SYT14: variants seen among roughly 807,000 people sequenced by gnomAD.
The protein encoded by SYT14 is synaptotagmin-14.
In SYT14, 32 loss-of-function variants were observed where a neutral mutation model predicts 74.2. The ratio of observed to expected loss-of-function variants is 0.43; its 90% CI spans 0.33 to 0.58. The LOEUF is 0.58. SYT14 is among the 20% of genes least tolerant of loss of function. The pLI, the probability that SYT14 is intolerant of heterozygous loss-of-function variation, is 0.05. For missense variants in SYT14, 791 were observed against 981.8 expected, an observed-to-expected ratio of 0.81 and a Z score of 2.60; for synonymous variants, 298 against 337.7, an observed-to-expected ratio of 0.88 and a Z score of 1.29.
chr1:210,086,992 C>T (rs995157511), intron 5 of SYT14, among the ~76,000 whole-genome samples: 2 of 152,186 alleles, frequency 1.3e-5, no homozygotes, highest in Non-Finnish European at 2.9e-5. Context: ...ACACATGCCC[C>T]CTTCACTCTG....
chr1:210,162,390 T>C (rs1442167292), exon 10 of SYT14: 1 of 420,472 alleles, frequency 2.4e-6, no homozygotes, highest in Admixed American at 2.8e-5. Flanking sequence ...TGCTAACTTT[T>C]TAATGGCAAG....
Position 210,160,808 on chromosome 1 carries a change from GCCAAAT to G in SYT14, c.2365_2370del (p.Asn789_Pro790del), listed in dbSNP as rs932441943. 6.8e-6 allele frequency: 11 copies of G among 1,613,902 alleles called. No homozygotes were observed. The highest frequency in any genetic ancestry group is 9.3e-6 in the Non-Finnish European group (11 of 1,179,904). The stretch of plus-strand genomic sequence containing the variant: ...GCAAGACATCCATCCGCAGAGGGCA[GCCAAAT>G]CCAGTATATAAGGAAACTTTTGTCT... On this transcript the variant is annotated inframe_deletion, in exon 10 of 10. Coordinates refer to ENST00000637265, the Ensembl canonical transcript of SYT14.
exon 4 of SYT14, chr1:210,017,003 G>A (rs972876476): frequency 1.8e-5 from 22 of 1,231,748 alleles, no homozygotes; most frequent in South Asian, 4.1e-5. Context: ...TAAAGTGAAC[G>A]AAGACATAAA....
chr1:210,138,703 C>T (rs920793403), intron 7 of SYT14, among the ~76,000 whole-genome samples: 1 of 151,990 alleles, frequency 6.6e-6, no homozygotes, highest in African/African-American at 2.4e-5. Flanking sequence ...TAATTATTTG[C>T]ATAAAATCAG....
At chr1:210,108,006 A>G (rs1374025998) in intron 7 of SYT14, among the ~76,000 whole-genome samples, 1 of 152,218 alleles carries the variant, frequency 6.6e-6, no homozygotes, top group Non-Finnish European at 1.5e-5. Context: ...ATAAGTAAAT[A>G]AGTTCCTTGC....
At chr1:210,059,447 T>TATATATATATATATATAA (rs2081163812) in intron 5 of SYT14, among the ~76,000 whole-genome samples, 1 of 94,756 alleles carries the variant, frequency 1.1e-5, no homozygotes, top group Non-Finnish European at 2.0e-5. Context: ...TATATATATA[T>TATATATATATATATATAA]ATATAGAGAG....
At chr1:210,088,908 C>A (rs1022529324) in intron 5 of SYT14, among the ~76,000 whole-genome samples, 1 of 151,418 alleles carries the variant, frequency 6.6e-6, no homozygotes, top group African/African-American at 2.4e-5. Context: ...ACTTTAAGTT[C>A]TGGGATACAT....
chr1:210,006,106 A>G (rs999875652), intron 2 of SYT14, among the ~76,000 whole-genome samples: 14 of 151,826 alleles, frequency 9.2e-5, no homozygotes, highest in African/African-American at 2.9e-4. Context: ...CATCACTACC[A>G]TCTATGCCTT....
chr1:210,036,338 G>A (rs1262641078), intron 5 of SYT14, among the ~76,000 whole-genome samples: 1 of 151,892 alleles, frequency 6.6e-6, no homozygotes, highest in Non-Finnish European at 1.5e-5. Flanking sequence ...AGTCTTTAGA[G>A]AGATGATTAT....
chr1:210,004,830 T>C (rs1462946239), intron 2 of SYT14, among the ~76,000 whole-genome samples: 1 of 151,968 alleles, frequency 6.6e-6, no homozygotes, highest in African/African-American at 2.4e-5. Flanking sequence ...AAATTTCAAA[T>C]ATATTTGCTT....
At chr1:210,162,474 T>C (rs1174271510) in exon 10 of SYT14, 2 of 346,076 alleles carry the variant, frequency 5.8e-6, no homozygotes, top group Admixed American at 4.3e-5. Flanking sequence ...TAATTTTGCT[T>C]CTTACCTAAT....
intron 1 of SYT14, among the ~76,000 whole-genome samples, chr1:209,951,536 T>C (rs898072976): frequency 2.6e-5 from 4 of 152,162 alleles, no homozygotes; most frequent in Non-Finnish European, 5.9e-5. Flanking sequence ...ATTTCCACCA[T>C]GTGCCATTAT....
chr1:209,990,574 T>TATATATATACGTATATATATAC (rs369137934), intron 2 of SYT14, among the ~76,000 whole-genome samples: 4 of 106,106 alleles, frequency 3.8e-5, no homozygotes, highest in East Asian at 6.1e-4. Context: ...TATATATGTA[T>TATATATATACGTATATATATAC]GTATATTTCT....
intron 5 of SYT14, among the ~76,000 whole-genome samples, chr1:210,079,468 T>C (rs2081579036): frequency 6.6e-6 from 1 of 152,168 alleles, no homozygotes; most frequent in Non-Finnish European, 1.5e-5. Context: ...TGGTAACCCA[T>C]AAAACGTAAT....
At chr1:209,953,240 A>G (rs929890247) in intron 2 of SYT14, 7 of 1,287,162 alleles carry the variant, frequency 5.4e-6, no homozygotes, top group African/African-American at 1.5e-5. Context: ...GGGTGGTTCA[A>G]CAAAGTGGCC....
Position 210,086,362 on chromosome 1 carries a change from T to G in SYT14, c.1313-7960T>G, listed in dbSNP as rs562999198. 7.3e-4 allele frequency among the ~76,000 whole-genome samples: 111 copies of G among 152,362 alleles called. 1 individual carries two copies. Among genetic ancestry groups the G allele is most frequent in the Middle Eastern group, 3.4e-3 (1 of 294 alleles). On this transcript the variant is annotated intron_variant, in intron 5 of 9. Coordinates refer to ENST00000637265, the Ensembl canonical transcript of SYT14. ...TCAAAAAATTTTTCACTTATTCATA[T>G]ATTTATTTATATCTATATGGACTCA...
chr1:210,152,494 A>G (rs1301422672), intron 7 of SYT14, among the ~76,000 whole-genome samples: 2 of 151,900 alleles, frequency 1.3e-5, no homozygotes, highest in African/African-American at 2.4e-5. Context: ...ATTTATTTTT[A>G]TCGTTGTATA....
chr1:210,111,158 G>A (rs1372296424), intron 7 of SYT14, among the ~76,000 whole-genome samples: 3 of 152,202 alleles, frequency 2.0e-5, no homozygotes, highest in African/African-American at 7.2e-5. Context: ...TTAATCACCT[G>A]GGTGCAGGCG....
chr1:210,038,740 C>T (rs1157197898), intron 5 of SYT14, among the ~76,000 whole-genome samples: 1 of 152,018 alleles, frequency 6.6e-6, no homozygotes, highest in East Asian at 1.9e-4. Context: ...GAAAATGGGA[C>T]CCCACTCTCT....
Sources: allele counts gnomAD v4.1 joint callset (sites outside exome capture counted in the v4.1 genomes callset), GRCh38; gene constraint gnomAD v4.1.1; transcripts MANE v1.5; gene names NCBI Gene and HGNC (gene_info 2026-07-23, HGNC 2026-07-21).